The following SETD3 variants were observed in gnomAD, a reference collection of about 807,000 sequenced individuals.
SETD3 encodes actin-histidine N-methyltransferase.
A neutral mutation model predicts 63.0 loss-of-function variants in SETD3; 19 were observed. The ratio of observed to expected loss-of-function variants is 0.30; its 90% confidence interval spans 0.21 to 0.44. The LOEUF is 0.44. Ranked by LOEUF, SETD3 falls within the 20% of genes least tolerant of loss-of-function variation. The pLI is 1.00. For synonymous variants in SETD3, 286 were observed against 264.1 expected (o/e 1.08, Z -0.80); for missense variants, 587 against 728.5 (o/e 0.81, Z 2.24).
intron 6 of SETD3, among the ~76,000 whole-genome samples, chr14:99,453,125 T>C (rs1233772881): frequency 2.6e-5 from 4 of 152,128 alleles, no homozygotes; most frequent in Non-Finnish European, 4.4e-5. Context: ...CCTCTCTCTC[T>C]CCCTGAGTGA....
At chr14:99,430,665 C>T (rs1203316146) in intron 6 of SETD3, among the ~76,000 whole-genome samples, 2 of 152,160 alleles carry the variant, frequency 1.3e-5, no homozygotes, top group African/African-American at 2.4e-5. Context: ...TAGGGGCTCA[C>T]GTGGCGCCAC....
At chr14:99,467,734 A>C (rs1486615177) in intron 1 of SETD3, among the ~76,000 whole-genome samples, 1 of 152,076 alleles carries the variant, frequency 6.6e-6, no homozygotes. Context: ...TTTGATGAGG[A>C]GCTCCAAGAC....
At chr14:99,458,961 T>G in intron 5 of SETD3, 152 bp downstream of exon 5, 2 of 550,144 alleles carry the variant, frequency 3.6e-6, no homozygotes, top group Non-Finnish European at 3.2e-6. Flanking sequence ...TGCATCTTTT[T>G]TATAACATTA....
At chr14:99,427,331 A>G (rs1234358486) in intron 6 of SETD3, among the ~76,000 whole-genome samples, 1 of 152,194 alleles carries the variant, frequency 6.6e-6, no homozygotes. Flanking sequence ...CACATCTTTT[A>G]GCCTTTAACT....
chr14:99,408,704 C>G (rs1422953115), intron 8 of SETD3, among the ~76,000 whole-genome samples: 1 of 152,232 alleles, frequency 6.6e-6, no homozygotes, highest in African/African-American at 2.4e-5. Flanking sequence ...GATCCTGCCC[C>G]GGTCTGCAGC....
chr14:99,411,936 A>T (rs1892015603), intron 8 of SETD3: 2 of 152,258 alleles, frequency 1.3e-5, no homozygotes, highest in Admixed American at 6.5e-5. Context: ...TTCCCAAATT[A>T]GCACTAGGAT....
chr14:99,479,678 T>C (rs926377076), intron 1 of SETD3, among the ~76,000 whole-genome samples: 8 of 152,252 alleles, frequency 5.3e-5, no homozygotes, highest in Non-Finnish European at 7.3e-5. Flanking sequence ...AACGCATTTA[T>C]AGTGGCCTCA....
At chr14:99,437,526 C>A (rs74721020) in intron 6 of SETD3, among the ~76,000 whole-genome samples, 5,607 of 152,320 alleles carry the variant, frequency 0.037, 180 homozygotes, top group African/African-American at 0.084. Context: ...TACACCAGCA[C>A]CTCTCTGCAA....
upstream of SETD3, among the ~76,000 whole-genome samples, chr14:99,483,656 A>G (rs1472424485): frequency 1.3e-5 from 2 of 152,266 alleles, no homozygotes; most frequent in African/African-American, 2.4e-5. Flanking sequence ...TATTTAGGAC[A>G]TAGTCTTCCA....
chr14:99,476,900 A>C (rs1241035817), intron 1 of SETD3, among the ~76,000 whole-genome samples: 1 of 152,224 alleles, frequency 6.6e-6, no homozygotes, highest in Non-Finnish European at 1.5e-5. Flanking sequence ...AAAACTAAAA[A>C]TAAAAAGTTC....
intron 8 of SETD3, chr14:99,411,917 T>G (rs1892014061): frequency 6.6e-6 from 1 of 152,250 alleles, no homozygotes; most frequent in East Asian, 1.9e-4. Context: ...ACATACTTGT[T>G]GCTAGACCTT....
intron 1 of SETD3, among the ~76,000 whole-genome samples, chr14:99,478,298 C>G (rs760586773): frequency 6.6e-6 from 1 of 152,200 alleles, no homozygotes; most frequent in Admixed American, 6.5e-5. Flanking sequence ...GTCACCACTC[C>G]ATTCCCAGGA....
upstream of SETD3, among the ~76,000 whole-genome samples, chr14:99,482,933 C>A (rs1033004920): frequency 6.6e-6 from 1 of 152,134 alleles, no homozygotes; most frequent in Non-Finnish European, 1.5e-5. Context: ...ACAAAAAAAT[C>A]TAGAGGAATT....
intron 1 of SETD3, among the ~76,000 whole-genome samples, chr14:99,471,299 G>C (rs1236020426): frequency 6.6e-6 from 1 of 152,204 alleles, no homozygotes; most frequent in Non-Finnish European, 1.5e-5. Flanking sequence ...GCTCCCAACA[G>C]TGATTAAACA....
chr14:99,455,256 G>C (rs932899165), intron 6 of SETD3, among the ~76,000 whole-genome samples: 1 of 152,178 alleles, frequency 6.6e-6, no homozygotes, highest in Admixed American at 6.5e-5. Context: ...TCCTTCCTGT[G>C]AAGTCCCCCA....
At chr14:99,463,392 T>C (rs1895184597) in intron 3 of SETD3, 94 bp downstream of exon 3, 3 of 893,554 alleles carry the variant, frequency 3.4e-6, no homozygotes, top group Admixed American at 4.1e-5. Context: ...GTGACACCAA[T>C]GATGCTGAGA....
chr14:99,427,038 A>T (rs965391949), intron 6 of SETD3, among the ~76,000 whole-genome samples: 15 of 152,168 alleles, frequency 9.9e-5, no homozygotes, highest in African/African-American at 3.4e-4. Context: ...CAGGCAAGAG[A>T]GCGTGGGGGG....
Position 99,439,321 on chromosome 14 carries a change from A to T in SETD3, c.675+18958T>A, listed in dbSNP as rs527393558. Reference sequence around the variant, plus strand: ...CTGACCTATTTCCTCCAACCAGACAACTTTGCCTTTCAAGCCCCACTCAGG... The same window carrying T: ...CTGACCTATTTCCTCCAACCAGACATCTTTGCCTTTCAAGCCCCACTCAGG... On this transcript the variant is annotated intron_variant, in intron 6 of 12. Coordinates refer to ENST00000331768, the MANE Select transcript of SETD3 (RefSeq NM_032233.3). Among the ~76,000 whole-genome samples, 3 of 152,126 alleles carry T rather than the reference A, an allele frequency of 2.0e-5. No homozygotes were observed. The East Asian group carries it at 5.8e-4, about 29-fold the overall frequency.
intron 8 of SETD3, chr14:99,410,263 A>T: frequency 6.2e-7 from 1 of 1,612,734 alleles, no homozygotes; most frequent in Middle Eastern, 1.7e-4. Context: ...GTGTGCACGG[A>T]GGGTGTGGGG....
Sources: gnomAD v4.1 joint callset for allele counts (sites outside exome capture counted in the v4.1 genomes callset) on GRCh38, gnomAD v4.1.1 for gene constraint, MANE v1.5 for transcripts, NCBI Gene and HGNC (gene_info 2026-07-23, HGNC 2026-07-21) for gene names.